RGS17: variants seen among roughly 807,000 people sequenced by gnomAD.
The protein encoded by RGS17 is regulator of G protein signaling 17.
Under a neutral mutation model 25.5 loss-of-function variants are expected in RGS17, and 12 were observed. The ratio of observed to expected loss-of-function variants is 0.47; its 90% confidence interval spans 0.30 to 0.76. The LOEUF is 0.76. RGS17 is among the 30% of genes least tolerant of loss of function. RGS17 has a pLI of 0.07. For missense variants in RGS17, 196 were observed against 242.2 expected, an observed-to-expected ratio of 0.81 and a Z score of 1.27; for synonymous variants, 71 against 76.9, an observed-to-expected ratio of 0.92 and a Z score of 0.40.
At chr6:153,087,210 A>G (rs1777064021) in intron 1 of RGS17, among the ~76,000 whole-genome samples, 1 of 125,336 alleles carries the variant, frequency 8.0e-6, no homozygotes, top group South Asian at 2.5e-4. Flanking sequence ...TTGGAGGCAG[A>G]GGTTGCAGTG....
chr6:153,117,061 C>T (rs1777556548), intron 1 of RGS17, among the ~76,000 whole-genome samples: 2 of 151,954 alleles, frequency 1.3e-5, no homozygotes, highest in Non-Finnish European at 1.5e-5. Flanking sequence ...TATCCCAGGA[C>T]TTGAAGTATA....
intron 1 of RGS17, among the ~76,000 whole-genome samples, chr6:153,076,952 T>C (rs1389805519): frequency 6.6e-6 from 1 of 152,014 alleles, no homozygotes; most frequent in Non-Finnish European, 1.5e-5. Flanking sequence ...GGGGCCCAAA[T>C]ATCACATATT....
chr6:153,063,031 C>T (rs1421856040), intron 1 of RGS17, among the ~76,000 whole-genome samples: 1 of 152,148 alleles, frequency 6.6e-6, no homozygotes. Context: ...CGGGGTGCCC[C>T]CTAAAGCAGA....
At chr6:153,118,282 A>G (rs1777571369) in intron 1 of RGS17, among the ~76,000 whole-genome samples, 1 of 152,122 alleles carries the variant, frequency 6.6e-6, no homozygotes, top group South Asian at 2.1e-4. Flanking sequence ...GCTTTTACCA[A>G]CCTCATCTTA....
chr6:153,109,781 T>C (rs921297600), intron 1 of RGS17, among the ~76,000 whole-genome samples: 5 of 152,244 alleles, frequency 3.3e-5, no homozygotes, highest in Non-Finnish European at 5.9e-5. Flanking sequence ...CATTTAAACT[T>C]ATCATGCTAT....
chr6:153,027,395 T>C (rs4870162), intron 2 of RGS17, among the ~76,000 whole-genome samples: 14,302 of 152,014 alleles, frequency 0.094, 782 homozygotes, highest in Admixed American at 0.17. Flanking sequence ...TCATGGGAGA[T>C]ACTAAGAAGC....
At chr6:153,034,080 T>C (rs1776201574) in intron 2 of RGS17, among the ~76,000 whole-genome samples, 1 of 152,178 alleles carries the variant, frequency 6.6e-6, no homozygotes, top group African/African-American at 2.4e-5. Flanking sequence ...AAAACCCTGT[T>C]AGTGAATATT....
intron 1 of RGS17, among the ~76,000 whole-genome samples, chr6:153,107,908 C>T (rs1381145270): frequency 6.6e-6 from 1 of 152,106 alleles, no homozygotes; most frequent in Admixed American, 6.6e-5. Context: ...TGCTTCAGTG[C>T]CATTCTTGAA....
intron 1 of RGS17, among the ~76,000 whole-genome samples, chr6:153,055,961 T>G (rs183708036): frequency 7.6e-4 from 116 of 152,172 alleles, no homozygotes; most frequent in African/African-American, 2.7e-3. Flanking sequence ...AAAGGATAAA[T>G]GTAAGGATAT....
chr6:153,067,257 A>G (rs910154398), intron 1 of RGS17, among the ~76,000 whole-genome samples: 24 of 152,172 alleles, frequency 1.6e-4, no homozygotes, highest in African/African-American at 5.8e-4. Flanking sequence ...GGAACATGAC[A>G]AGGATGCACA....
chr6:153,065,532 T>A (rs974409619), intron 1 of RGS17, among the ~76,000 whole-genome samples: 1 of 152,182 alleles, frequency 6.6e-6, no homozygotes, highest in African/African-American at 2.4e-5. Flanking sequence ...ACATGTTAGG[T>A]CATAAAACAA....
chr6:153,006,994 C>T lies in RGS17; in HGVS notation c.*4580G>A, dbSNP rs1779082999. On this transcript the variant is annotated 3_prime_UTR_variant, in exon 5 of 5. Coordinates refer to ENST00000206262, the MANE Select transcript of RGS17 (RefSeq NM_012419.5). ...TTTTGTCATAGGAAGAAAATCAGTTCCCAAACTGGGACCTTCTATCACCTA... is the reference window on the plus strand; with the variant it reads ...TTTTGTCATAGGAAGAAAATCAGTTTCCAAACTGGGACCTTCTATCACCTA... The T allele has an allele frequency of 6.6e-6, 1 of 152,196 alleles. No homozygotes were observed. Among genetic ancestry groups the T allele is most frequent in the African/African-American group, 2.4e-5 (1 of 41,450 alleles). The allele number at this position is 152,196 out of a possible 1,614,324, so 9.4% of individuals were successfully genotyped here.
chr6:153,020,978 C>T (rs896497559), intron 4 of RGS17, among the ~76,000 whole-genome samples: 1 of 152,106 alleles, frequency 6.6e-6, no homozygotes, highest in Non-Finnish European at 1.5e-5. Context: ...AGTAGTAGCA[C>T]AAATACTCTG....
intron 1 of RGS17, among the ~76,000 whole-genome samples, chr6:153,070,673 T>TTGTGTG (rs55655703): frequency 0.013 from 1,849 of 145,054 alleles, 31 homozygotes; most frequent in African/African-American, 0.031. Flanking sequence ...ACATGGAAGA[T>TTGTGTG]TGTGTGTGTG....
chr6:153,066,564 A>G (rs1776710481), intron 1 of RGS17, among the ~76,000 whole-genome samples: 1 of 152,214 alleles, frequency 6.6e-6, no homozygotes, highest in Admixed American at 6.5e-5. Context: ...ACAGGTCAAT[A>G]TATCTGATGA....
At position 153,026,528 on chromosome 6, in the gene RGS17, A is replaced by C; in HGVS notation, c.135T>G (p.Asn45Lys). Residue 45 changes from asparagine to lysine, a missense_variant, in exon 3 of 5, where the codon AAT becomes AAG. Physicochemically the swap from Asn to Lys is moderately conservative, Grantham distance 94. Transcript: ENST00000206262. ...CCSCSCLTVR[N>K]EERGENAGRP... is the part of the protein sequence containing the mutation. Reference sequence around the variant, plus strand: ...TTCCCGCATTTTCCCCTCTTTCTTCATTCCTCACAGTGAGGCTGTAATGTA... The same window carrying C: ...TTCCCGCATTTTCCCCTCTTTCTTCCTTCCTCACAGTGAGGCTGTAATGTA... The C allele has an allele frequency of 6.2e-7, 1 of 1,612,986 alleles. No individual in the cohort carries two copies.
intron 1 of RGS17, among the ~76,000 whole-genome samples, chr6:153,083,743 CAAAG>C (rs2129119915): frequency 6.6e-6 from 1 of 152,198 alleles, no homozygotes; most frequent in South Asian, 2.1e-4. Context: ...CTTATTTTAA[CAAAG>C]AAAAATCTGA....
rs115227995 is a variant in RGS17 at position 153,032,663 on chromosome 6, C to T, written c.120-6120G>A. On this transcript the variant is annotated intron_variant, in intron 2 of 4. Coordinates refer to ENST00000206262, the MANE Select transcript of RGS17 (RefSeq NM_012419.5). ...ATCTAAAAGGAGTCATTCAGTTTTT[C>T]GGTGAGTGTAATAATCAAACTCGAA... 6.1e-3 allele frequency among the ~76,000 whole-genome samples: 917 copies of T among 151,550 alleles called. 8 individuals carry two copies. Among genetic ancestry groups the T allele is most frequent in the African/African-American group, 0.021 (864 of 41,352 alleles).
chr6:153,069,748 G>GTGTGTGTGTGTT (rs751894410), intron 1 of RGS17, among the ~76,000 whole-genome samples: 26,461 of 151,062 alleles, frequency 0.18, 2,678 homozygotes, highest in Admixed American at 0.23. Context: ...TCGTGTGTGT[G>GTGTGTGTGTGTT]TGTGTGTGTG....
Sources: allele counts gnomAD v4.1 joint callset (sites outside exome capture counted in the v4.1 genomes callset), GRCh38; gene constraint gnomAD v4.1.1; transcripts MANE v1.5; gene names NCBI Gene and HGNC (gene_info 2026-07-23, HGNC 2026-07-21).